Variants in CDH8 observed in about 807,000 individuals in gnomAD.
CDH8 encodes cadherin 8.
Under a neutral mutation model 68.1 loss-of-function variants are expected in CDH8, and 17 were observed. The observed-to-expected ratio is 0.25, with a 90% confidence interval of 0.17 to 0.37. CDH8 has a LOEUF of 0.37. Ranked by LOEUF, CDH8 falls within the 10% of genes least tolerant of loss-of-function variation. The pLI, the probability that CDH8 is intolerant of heterozygous loss-of-function variation, is 1.00. For missense variants in CDH8, 763 were observed against 999.3 expected, an observed-to-expected ratio of 0.76 and a Z score of 3.19; for synonymous variants, 372 against 365.1, an observed-to-expected ratio of 1.02 and a Z score of -0.21.
intron 4 of CDH8, among the ~76,000 whole-genome samples, chr16:61,832,680 G>T (rs1206402406): frequency 2.0e-5 from 3 of 151,386 alleles, no homozygotes; most frequent in Admixed American, 6.6e-5. Context: ...TTTTTTAAAA[G>T]AAAATCAATT....
chr16:61,789,538 C>T (rs1961328767), intron 7 of CDH8, 56 bp from the exon 8 acceptor site: 2 of 1,478,114 alleles, frequency 1.4e-6, no homozygotes, highest in African/African-American at 1.4e-5. Flanking sequence ...CCATACATTC[C>T]ACAGCAGACC....
At chr16:61,812,820 A>G (rs1268661927) in intron 7 of CDH8, among the ~76,000 whole-genome samples, 2 of 152,210 alleles carry the variant, frequency 1.3e-5, no homozygotes, top group Admixed American at 1.3e-4. Context: ...AATGATAAGC[A>G]GAAACTTGGA....
intron 9 of CDH8, among the ~76,000 whole-genome samples, chr16:61,721,929 C>T (rs918903671): frequency 6.6e-6 from 1 of 150,648 alleles, no homozygotes; most frequent in African/African-American, 2.4e-5. Flanking sequence ...AGAGCAGGAA[C>T]GTTAGATGTG....
rs1963422661 is a variant in CDH8, at chr16:61,655,454, T to C, written c.1906+16A>G. 6.2e-7 allele frequency: 1 copy of C among 1,613,748 alleles called. No homozygotes were observed. Among genetic ancestry groups the C allele is most frequent in the Non-Finnish European group, 8.5e-7 (1 of 1,179,724 alleles). ...CAGAAAAAGGGTGACCGGTAGGCTATGAAGGAAATACGTACCTAACAGCAA... is the reference window on the plus strand; with the variant it reads ...CAGAAAAAGGGTGACCGGTAGGCTACGAAGGAAATACGTACCTAACAGCAA... On this transcript the variant is annotated intron_variant, in intron 11 of 11. Coordinates refer to ENST00000577390, the MANE Select transcript of CDH8 (RefSeq NM_001796.5).
chr16:61,699,512 C>T (rs1163117033), intron 10 of CDH8, among the ~76,000 whole-genome samples: 2 of 152,158 alleles, frequency 1.3e-5, no homozygotes, highest in Non-Finnish European at 2.9e-5. Context: ...ACTTTAACTT[C>T]AGTGGAGCGT....
At chr16:61,724,947 C>A (rs982103506) in intron 9 of CDH8, among the ~76,000 whole-genome samples, 5 of 150,916 alleles carry the variant, frequency 3.3e-5, no homozygotes, top group African/African-American at 1.2e-4. Flanking sequence ...AACCTGAATT[C>A]TGACTAACAT....
intron 8 of CDH8, among the ~76,000 whole-genome samples, chr16:61,784,868 A>G (rs975375762): frequency 1.1e-4 from 16 of 152,222 alleles, no homozygotes; most frequent in Non-Finnish European, 1.5e-4. Context: ...AGGCAGAAAT[A>G]AAGATGTTCT....
At chr16:61,657,419 T>A (rs1222829036) in intron 10 of CDH8, among the ~76,000 whole-genome samples, 1 of 152,102 alleles carries the variant, frequency 6.6e-6, no homozygotes, top group Non-Finnish European at 1.5e-5. Flanking sequence ...TTTTCTGAAC[T>A]TCTTCTGGTT....
intron 2 of CDH8, among the ~76,000 whole-genome samples, chr16:61,951,818 C>A (rs1215918300): frequency 1.3e-5 from 2 of 152,104 alleles, no homozygotes; most frequent in Admixed American, 6.5e-5. Flanking sequence ...CCCCATGAGC[C>A]ACTACATTAA....
chr16:61,895,889 G>A (rs536105805), intron 3 of CDH8, among the ~76,000 whole-genome samples: 2 of 152,136 alleles, frequency 1.3e-5, no homozygotes, highest in East Asian at 3.9e-4. Context: ...TTTGGGCAGG[G>A]ATTATTGTAT....
At chr16:62,028,681 T>C (rs556462385) in intron 1 of CDH8, among the ~76,000 whole-genome samples, 1 of 151,974 alleles carries the variant, frequency 6.6e-6, no homozygotes, top group Non-Finnish European at 1.5e-5. Context: ...AGTTAAGATA[T>C]TGAGAGTAAT....
In CDH8 at chr16:61,969,054, T is replaced by C. The variant is rs145868675; in HGVS notation, c.252+52098A>G. Among the ~76,000 whole-genome samples the C allele has an allele frequency of 3.8e-3, 577 of 152,290 alleles. 1 individual carries two copies. The highest frequency in any genetic ancestry group is 0.013 in the African/African-American group (537 of 41,550). On this transcript the variant is annotated intron_variant, in intron 2 of 11. Transcript: ENST00000577390. The stretch of plus-strand genomic sequence containing the variant: ...GGTTTGGATTTACACAAAAAGGAAC[T>C]GAAATAAAACCTTCTCAGTCAGAGC...
At chr16:61,809,053 G>T (rs1961874956) in intron 7 of CDH8, among the ~76,000 whole-genome samples, 1 of 152,108 alleles carries the variant, frequency 6.6e-6, no homozygotes, top group Admixed American at 6.5e-5. Context: ...GGGCATGGTG[G>T]CCCATGCCTG....
At chr16:61,848,048 C>T (rs1029602831) in intron 4 of CDH8, among the ~76,000 whole-genome samples, 1 of 151,884 alleles carries the variant, frequency 6.6e-6, no homozygotes, top group African/African-American at 2.4e-5. Flanking sequence ...TGTTCTTCAC[C>T]AAATCATTTT....
intron 7 of CDH8, among the ~76,000 whole-genome samples, chr16:61,816,376 G>A (rs972354770): frequency 1.5e-4 from 23 of 152,030 alleles, no homozygotes; most frequent in Non-Finnish European, 2.5e-4. Context: ...TTAAAAAATC[G>A]AATAAATAAA....
At chr16:61,878,931 T>C (rs9674118) in intron 3 of CDH8, among the ~76,000 whole-genome samples, 3,820 of 152,254 alleles carry the variant, frequency 0.025, 163 homozygotes, top group African/African-American at 0.087. Context: ...TAACGCACCA[T>C]GTTAAGCAAT....
At chr16:61,900,983 T>C (rs1963959089) in intron 3 of CDH8, 196 bp downstream of exon 3, 2 of 551,130 alleles carry the variant, frequency 3.6e-6, no homozygotes, top group Non-Finnish European at 6.4e-6. Flanking sequence ...ATAAAATTGC[T>C]CTTCCATCAG....
In CDH8 at chr16:61,960,258, T is replaced by TACATATATACATGTGTGTGTATACAC. The variant is rs1567546310; in HGVS notation, c.253-58786_253-58785insGTGTATACACACACATGTATATATGT. On this transcript the variant is annotated intron_variant, in intron 2 of 11. Coordinates refer to ENST00000577390, the MANE Select transcript of CDH8 (RefSeq NM_001796.5). ...ATATACATGTGTGTGTGTATACACA[T>TACATATATACATGTGTGTGTATACAC]ACATATATACGTGTGTGTGTATACA... is the stretch of plus-strand genomic sequence containing the variant. Among the ~76,000 whole-genome samples, 7 of 51,830 alleles carry TACATATATACATGTGTGTGTATACAC rather than the reference T, an allele frequency of 1.4e-4. 3 individuals are homozygous for TACATATATACATGTGTGTGTATACAC. The highest frequency in any genetic ancestry group is 9.1e-4 in the African/African-American group (7 of 7,694). The allele number at this position is 51,830 out of a possible 152,430, so 34.0% of individuals were successfully genotyped here.
At chr16:61,963,955 C>T (rs1965202274) in intron 2 of CDH8, among the ~76,000 whole-genome samples, 1 of 152,182 alleles carries the variant, frequency 6.6e-6, no homozygotes, top group Non-Finnish European at 1.5e-5. Flanking sequence ...CTAGAAAGTC[C>T]TTCAAGCCTC....
Sources: allele counts gnomAD v4.1 joint callset (sites outside exome capture counted in the v4.1 genomes callset), GRCh38; gene constraint gnomAD v4.1.1; transcripts MANE v1.5; gene names NCBI Gene and HGNC (gene_info 2026-07-23, HGNC 2026-07-21).